Variants in ACYP2 observed in about 807,000 individuals in gnomAD.
ACYP2 encodes the protein acylphosphatase 2.
ACYP2 carries 12 observed loss-of-function variants against 11.2 expected under a neutral mutation model. That is an observed-to-expected ratio of 1.08 (90% CI 0.69 to 1.74). The LOEUF is 1.74. ACYP2 is among the 40% of genes most tolerant of loss of function. The probability of loss-of-function intolerance (pLI) is 0.00; values close to 1 mark genes in which losing one functional copy is unlikely to be tolerated. For missense variants in ACYP2, 134 were observed against 101.9 expected, an observed-to-expected ratio of 1.31 and a Z score of -1.35; for synonymous variants, 43 against 32.2, an observed-to-expected ratio of 1.33 and a Z score of -1.13.
chr2:54,160,628 A>AT (rs1400473373), intron 6 of ACYP2, among the ~76,000 whole-genome samples: 5 of 152,230 alleles, frequency 3.3e-5, no homozygotes, highest in Non-Finnish European at 7.3e-5. Flanking sequence ...GGAGAAGAGA[A>AT]TGTCAGATAC....
At chr2:54,100,045 C>T (rs1439910662) in intron 4 of ACYP2, among the ~76,000 whole-genome samples, 1 of 152,114 alleles carries the variant, frequency 6.6e-6, no homozygotes, top group African/African-American at 2.4e-5. Flanking sequence ...TTCTCTTTTA[C>T]TTCTGTTAAA....
chr2:54,150,467 C>A (rs1558571053), intron 6 of ACYP2, among the ~76,000 whole-genome samples: 1 of 152,178 alleles, frequency 6.6e-6, no homozygotes, highest in East Asian at 1.9e-4. Context: ...GTGGCCCAGG[C>A]TGGAGTGCAG....
intron 6 of ACYP2, among the ~76,000 whole-genome samples, chr2:54,153,243 G>A (rs192386101): frequency 3.0e-5 from 4 of 134,756 alleles, no homozygotes; most frequent in African/African-American, 5.8e-5. Context: ...TTGCCCCATC[G>A]TGTGTTCTTG....
intron 6 of ACYP2, among the ~76,000 whole-genome samples, chr2:54,169,667 G>A (rs1421545343): frequency 6.6e-6 from 1 of 152,016 alleles, no homozygotes; most frequent in Non-Finnish European, 1.5e-5. Context: ...GCACAGGAAA[G>A]GCCCATGAAA....
intron 6 of ACYP2, among the ~76,000 whole-genome samples, chr2:54,207,772 A>G (rs1299122027): frequency 6.6e-6 from 1 of 152,190 alleles, no homozygotes; most frequent in Non-Finnish European, 1.5e-5. Flanking sequence ...CATGATTCTT[A>G]TCAGTTTGGA....
At chr2:54,194,088 G>C (rs1488791056) in intron 6 of ACYP2, among the ~76,000 whole-genome samples, 4 of 151,426 alleles carry the variant, frequency 2.6e-5, no homozygotes, top group African/African-American at 7.3e-5. Flanking sequence ...ACCCAGGCTG[G>C]AGTGCAATGG....
Position 54,304,897 on chromosome 2 carries a change from G to C in ACYP2, c.*95G>C. On this transcript the variant is annotated 3_prime_UTR_variant, in exon 7 of 7. Coordinates refer to ENST00000607452, the MANE Select transcript of ACYP2 (RefSeq NM_001320586.2). ...AATAGTAGCAGAGTAGGGTGAAAAG[G>C]AACTTTCTGTTCTGAAAGCTAAGCG... 1.6e-5 allele frequency: 8 copies of C among 513,972 alleles called. No individual in the cohort carries two copies. The highest frequency in any genetic ancestry group is 2.0e-5 in the African/African-American group (1 of 50,544). 31.8% of individuals were successfully genotyped at this position (513,972 alleles called of 1,614,324 possible). A position where few individuals can be genotyped will look rare whatever the true frequency, so the allele number is the denominator to read the frequency against.
At chr2:54,090,545 T>G (rs566085305) in intron 4 of ACYP2, among the ~76,000 whole-genome samples, 36 of 152,308 alleles carry the variant, frequency 2.4e-4, no homozygotes, top group African/African-American at 8.2e-4. Flanking sequence ...GCAGGAGAAC[T>G]GCTTGAAACC....
chr2:54,074,170 A>T (rs1018704566), intron 4 of ACYP2, among the ~76,000 whole-genome samples: 4 of 152,086 alleles, frequency 2.6e-5, no homozygotes, highest in African/African-American at 9.7e-5. Flanking sequence ...TGAGACCCCC[A>T]TTTCTACAAA....
chr2:54,225,381 A>G (rs928718161), intron 6 of ACYP2, among the ~76,000 whole-genome samples: 1 of 152,250 alleles, frequency 6.6e-6, no homozygotes, highest in East Asian at 1.9e-4. Flanking sequence ...TTTAAGTCAC[A>G]GAGAAAAACA....
intron 4 of ACYP2, among the ~76,000 whole-genome samples, chr2:54,086,974 A>G (rs756652463): frequency 3.3e-5 from 5 of 152,238 alleles, no homozygotes. Context: ...GCCATAGGAT[A>G]CCCAGATCTA....
chr2:54,059,162 G>A (rs1218552250), intron 4 of ACYP2, among the ~76,000 whole-genome samples: 3 of 151,890 alleles, frequency 2.0e-5, no homozygotes, highest in African/African-American at 7.3e-5. Flanking sequence ...TTTCTTTTGA[G>A]TTAAGAATTG....
At chr2:54,095,603 A>C (rs1324475657) in intron 4 of ACYP2, among the ~76,000 whole-genome samples, 17 of 106,604 alleles carry the variant, frequency 1.6e-4, no homozygotes, top group African/African-American at 5.3e-4. Flanking sequence ...CGGCTGGCCG[A>C]GTGGGGGGCT....
chr2:54,217,863 G>T (rs1425284124), intron 6 of ACYP2, among the ~76,000 whole-genome samples: 3 of 152,100 alleles, frequency 2.0e-5, no homozygotes, highest in African/African-American at 4.8e-5. Context: ...GTTGAAAAAA[G>T]CTAGTTTTTT....
intron 6 of ACYP2, among the ~76,000 whole-genome samples, chr2:54,232,150 C>T (rs1457072547): frequency 6.6e-6 from 1 of 152,066 alleles, no homozygotes; most frequent in Non-Finnish European, 1.5e-5. Flanking sequence ...TTTTCATATA[C>T]ACAACTGGAT....
intron 2 of ACYP2, among the ~76,000 whole-genome samples, chr2:53,978,693 C>T (rs1039778301): frequency 6.6e-6 from 1 of 152,154 alleles, no homozygotes; most frequent in Non-Finnish European, 1.5e-5. Flanking sequence ...CACAACCAGC[C>T]TGGACAACAT....
At chr2:54,185,807 A>G (rs1683960962) in intron 6 of ACYP2, among the ~76,000 whole-genome samples, 1 of 152,180 alleles carries the variant, frequency 6.6e-6, no homozygotes. Flanking sequence ...TACAGACACC[A>G]AGTCTTAGAG....
At chr2:54,128,570 G>A (rs973140875) in intron 4 of ACYP2, among the ~76,000 whole-genome samples, 38 of 152,118 alleles carry the variant, frequency 2.5e-4, no homozygotes, top group Admixed American at 2.0e-3. Context: ...GGAATGTTGA[G>A]GTGAGAGAAT....
intron 2 of ACYP2, among the ~76,000 whole-genome samples, chr2:54,010,822 C>A (rs1346735645): frequency 6.9e-6 from 1 of 145,310 alleles, no homozygotes; most frequent in African/African-American, 2.6e-5. Context: ...TCATGCGCCA[C>A]TACACCTGGC....
Sources: gnomAD v4.1 joint callset for allele counts (sites outside exome capture counted in the v4.1 genomes callset) on GRCh38, gnomAD v4.1.1 for gene constraint, MANE v1.5 for transcripts, NCBI Gene and HGNC (gene_info 2026-07-23, HGNC 2026-07-21) for gene names.